WDR59: variants seen among roughly 807,000 people sequenced by gnomAD.
WDR59 encodes WD repeat domain 59, also known as GATOR2 complex protein WDR59.
In WDR59, 100 loss-of-function variants were observed where a neutral mutation model predicts 131.2. That is an observed-to-expected ratio of 0.76 (90% CI 0.65 to 0.90). The LOEUF (loss-of-function observed/expected upper bound fraction) is 0.90. WDR59 is among the 40% of genes least tolerant of loss of function. The probability of loss-of-function intolerance (pLI) is 0.00; values close to 1 mark genes in which losing one functional copy is unlikely to be tolerated. For synonymous variants in WDR59, 601 were observed against 466.2 expected (o/e 1.29, Z -3.72); for missense variants, 1,203 against 1,262.2 (o/e 0.95, Z 0.71).
chr16:74,956,234 T>C (rs1302468072), intron 3 of WDR59, among the ~76,000 whole-genome samples: 2 of 152,144 alleles, frequency 1.3e-5, no homozygotes, highest in African/African-American at 2.4e-5. Context: ...CATCTGCCTG[T>C]TTCCCTTTCA....
chr16:74,972,823 A>T (rs1158342601), intron 1 of WDR59, among the ~76,000 whole-genome samples: 14 of 17,684 alleles, frequency 7.9e-4, no homozygotes, highest in African/African-American at 2.6e-3. Flanking sequence ...CTCTGTCTTA[A>T]AAAAAAAAAA....
chr16:74,909,973 T>TA, intron 14 of WDR59, 56 bp from the exon 15 acceptor site: 2 of 1,379,374 alleles, frequency 1.4e-6, no homozygotes, highest in Non-Finnish European at 2.0e-6. Context: ...TGATAGGTTT[T>TA]TTTTTTTTTT....
chr16:74,893,518 T>G (rs1018048379), intron 19 of WDR59, among the ~76,000 whole-genome samples, 161 bp downstream of exon 19: 12 of 152,250 alleles, frequency 7.9e-5, no homozygotes, highest in African/African-American at 2.9e-4. Flanking sequence ...TGTTGGAAGC[T>G]GCTAAGTTTG....
chr16:74,919,145 C>A lies in WDR59; in HGVS notation c.887-1137G>T, dbSNP rs1044880969. The stretch of plus-strand genomic sequence containing the variant: ...CTGGTCCCAAGGGGCCCTTTGCTTC[C>A]CCGACTCCCTTGTATCTTCTCCCTG... On this transcript the variant is annotated intron_variant, in intron 10 of 25. Coordinates refer to ENST00000262144, the MANE Select transcript of WDR59 (RefSeq NM_030581.4). Among the ~76,000 whole-genome samples the A allele has an allele frequency of 5.9e-5, 9 of 152,068 alleles. 1 individual carries two copies. The highest frequency in any genetic ancestry group is 5.2e-4 in the Admixed American group (8 of 15,262).
chr16:74,946,733 A>G (rs1206263048), intron 6 of WDR59, among the ~76,000 whole-genome samples: 2 of 151,970 alleles, frequency 1.3e-5, no homozygotes, highest in Non-Finnish European at 2.9e-5. Flanking sequence ...AAAAAAAAAG[A>G]AAAAAGAAAG....
At position 74,966,824 on chromosome 16, in the gene WDR59, C is replaced by T. The variant is rs367937759; in HGVS notation, c.55-1002G>A. ...CGGGTCTCCCAATTCCCAGGGAGCA[C>T]TATCACATCGTTTCAGGAGCCAACG... On this transcript the variant is annotated intron_variant, in intron 1 of 25. Coordinates refer to ENST00000262144, the MANE Select transcript of WDR59 (RefSeq NM_030581.4). Among the ~76,000 whole-genome samples, 25 of 152,306 alleles carry T rather than the reference C, an allele frequency of 1.6e-4. 3 individuals are homozygous for T. The highest frequency in any genetic ancestry group is 7.7e-4 in the East Asian group (4 of 5,196).
intron 1 of WDR59, among the ~76,000 whole-genome samples, chr16:74,969,245 G>C (rs1258728532): frequency 6.6e-6 from 1 of 152,052 alleles, no homozygotes; most frequent in Non-Finnish European, 1.5e-5. Context: ...ATTTAAACTG[G>C]CTACTTATAA....
chr16:74,888,235 C>T lies in WDR59; in HGVS notation c.2280G>A (p.Gly760=). The change falls in exon 22 of 26, where the codon GGG becomes GGA. Residue 760 remains glycine (G), a synonymous_variant. Transcript: ENST00000262144. ...GAAAAGGCCCAAAGGGGTTTGGTAGCCCCTGAGGCCGAGACTGGGCTTCAA... is the reference window on the plus strand; with the variant it reads ...GAAAAGGCCCAAAGGGGTTTGGTAGTCCCTGAGGCCGAGACTGGGCTTCAA... The part of the protein sequence containing the change: ...SVFEAQSRPQ[G]LPNPFGPFPN... 6.2e-7 allele frequency: 1 copy of T among 1,614,112 alleles called. No homozygotes were observed.
chr16:74,980,295 T>A (rs977743539), intron 1 of WDR59, among the ~76,000 whole-genome samples: 60 of 152,082 alleles, frequency 3.9e-4, no homozygotes, highest in Admixed American at 1.5e-3. Context: ...ATGGCACTTT[T>A]ATAAACTATA....
At chr16:74,919,062 C>T (rs570688081) in intron 10 of WDR59, among the ~76,000 whole-genome samples, 3 of 152,256 alleles carry the variant, frequency 2.0e-5, no homozygotes, top group African/African-American at 7.2e-5. Flanking sequence ...AAAAGGTATG[C>T]CTAATTCCTT....
At chr16:74,958,572 G>A (rs1215275181) in intron 2 of WDR59, among the ~76,000 whole-genome samples, 15 of 70,868 alleles carry the variant, frequency 2.1e-4, no homozygotes, top group Non-Finnish European at 2.3e-4. Context: ...CAGCCTGGGG[G>A]ACAGGCTGAG....
chr16:74,976,451 TTTTTC>T (rs1318447950), intron 1 of WDR59, among the ~76,000 whole-genome samples: 1 of 151,474 alleles, frequency 6.6e-6, no homozygotes, highest in Admixed American at 6.6e-5. Context: ...TTTTTTTTTT[TTTTTC>T]TTTTGAGACG....
rs772164652 is a variant in WDR59, at chr16:74,904,094, G to C, written c.1719C>G (p.Leu573=). 1.5e-5 allele frequency: 24 copies of C among 1,612,872 alleles called. No homozygotes were observed. The South Asian group carries it at 1.7e-4, about 11-fold the overall frequency. Reference sequence around the variant, plus strand: ...CAGTGTGATAAGCAGACAAGGCTGAGAGAGATCTGTAGTTGAAAATGATAA... The same window carrying C: ...CAGTGTGATAAGCAGACAAGGCTGACAGAGATCTGTAGTTGAAAATGATAA... ...VSPTEPTPRS[L]SALSAYHTGL... Residue 573 remains leucine, a synonymous_variant, in exon 18 of 26, where the codon CTC becomes CTG. Transcript: ENST00000262144.
At position 74,920,097 on chromosome 16, in the gene WDR59, G is replaced by A. The variant is rs1325955891; in HGVS notation, c.886+1850C>T. ...AAAAAAAAAAAAAAAAATTGATGTCGAAGACATGGCAGTAAAAGTAAACTG... is the reference window on the plus strand; with the variant it reads ...AAAAAAAAAAAAAAAAATTGATGTCAAAGACATGGCAGTAAAAGTAAACTG... On this transcript the variant is annotated intron_variant, in intron 10 of 25. Coordinates refer to ENST00000262144, the MANE Select transcript of WDR59 (RefSeq NM_030581.4). Among the ~76,000 whole-genome samples, 4 of 150,084 alleles carry A rather than the reference G, an allele frequency of 2.7e-5. No individual in the cohort carries two copies. In the South Asian group the frequency reaches 6.3e-4, roughly 24 times the overall value.
Position 74,922,120 on chromosome 16 carries a change from A to G in WDR59, c.730-17T>C, listed in dbSNP as rs868390720. 6 of 1,613,766 alleles carry G rather than the reference A, an allele frequency of 3.7e-6. No individual in the cohort carries two copies. Among genetic ancestry groups the G allele is most frequent in the East Asian group, 2.2e-5 (1 of 44,874 alleles). Reference sequence around the variant, plus strand: ...GCTGAAAGGCTAAGGCAGGGAAGGGAAAAGCAGGTGATTAGATTATTTCAG... The same window carrying G: ...GCTGAAAGGCTAAGGCAGGGAAGGGGAAAGCAGGTGATTAGATTATTTCAG... On this transcript the variant is annotated splice_polypyrimidine_tract_variant and intron_variant, in intron 9 of 25. Transcript: ENST00000262144.
intron 18 of WDR59, among the ~76,000 whole-genome samples, chr16:74,898,214 C>A (rs150399482): frequency 6.7e-4 from 102 of 152,290 alleles, no homozygotes; most frequent in African/African-American, 2.4e-3. Flanking sequence ...ACACATGAGG[C>A]TAAGGTGTGG....
intron 9 of WDR59, among the ~76,000 whole-genome samples, chr16:74,922,910 T>C (rs2030388685): frequency 6.6e-6 from 1 of 152,236 alleles, no homozygotes; most frequent in African/African-American, 2.4e-5. Flanking sequence ...TGCTCCATGG[T>C]GACAGCCCAA....
chr16:74,881,068 G>A (rs190898692), intron 25 of WDR59, among the ~76,000 whole-genome samples: 2 of 152,270 alleles, frequency 1.3e-5, no homozygotes, highest in Non-Finnish European at 2.9e-5. Flanking sequence ...CCACCATTAA[G>A]ACCAAGCGCA....
chr16:74,933,499 T>A (rs2031564160), intron 8 of WDR59, among the ~76,000 whole-genome samples: 1 of 152,216 alleles, frequency 6.6e-6, no homozygotes, highest in African/African-American at 2.4e-5. Context: ...TTTTTAAAAA[T>A]GCTACCATTC....
Sources: gnomAD v4.1 joint callset for allele counts (sites outside exome capture counted in the v4.1 genomes callset) on GRCh38, gnomAD v4.1.1 for gene constraint, MANE v1.5 for transcripts, NCBI Gene and HGNC (gene_info 2026-07-23, HGNC 2026-07-21) for gene names.